Variants in CCND1 observed in about 807,000 individuals in gnomAD.
CCND1 encodes cyclin D1.
A neutral mutation model predicts 26.1 loss-of-function variants in CCND1; 9 were observed. The observed-to-expected ratio is 0.35, with a 90% confidence interval of 0.21 to 0.60. The LOEUF (loss-of-function observed/expected upper bound fraction) is 0.60. CCND1 is among the 20% of genes least tolerant of loss of function. The pLI is 0.79. For synonymous variants in CCND1, 194 were observed against 166.1 expected (o/e 1.17, Z -1.29); for missense variants, 335 against 392.9 (o/e 0.85, Z 1.25).
chr11:69,648,386 C>T (rs561257508), intron 4 of CCND1: 14 of 538,078 alleles, frequency 2.6e-5, no homozygotes, highest in East Asian at 1.2e-4. Flanking sequence ...TTCCAGGAGC[C>T]GTAGAGTTTC....
Position 69,643,066 on chromosome 11 carries a change from C to T in CCND1, c.234C>T (p.Phe78=). 6.2e-7 allele frequency: 1 copy of T among 1,607,806 alleles called. No homozygotes were observed. The highest frequency in any genetic ancestry group is 8.5e-7 in the Non-Finnish European group (1 of 1,177,590). The change falls in exon 2 of 5, where the codon TTC becomes TTT. Residue 78 remains phenylalanine, a synonymous_variant. Transcript: ENST00000227507. ...CEEQKCEEEV[F]PLAMNYLDRF... is the part of the protein sequence containing the mutation. The stretch of plus-strand genomic sequence containing the variant: ...AACAGAAGTGCGAGGAGGAGGTCTT[C>T]CCGCTGGCCATGAACTACCTGGACC...
intron 4 of CCND1, among the ~76,000 whole-genome samples, chr11:69,649,085 C>G (rs998524960): frequency 3.3e-5 from 5 of 152,208 alleles, no homozygotes; most frequent in Non-Finnish European, 7.4e-5. Context: ...CTCCCTTGCA[C>G]CCTGCCCCGT....
At chr11:69,645,415 G>T (rs1855765919) in intron 3 of CCND1, among the ~76,000 whole-genome samples, 1 of 152,204 alleles carries the variant, frequency 6.6e-6, no homozygotes, top group Non-Finnish European at 1.5e-5. Flanking sequence ...GTGGGCAGGT[G>T]CAGATTCTCG....
In CCND1 at chr11:69,651,309, C is replaced by T; in HGVS notation, c.*27C>T. ...GGCGCCAGGCAGGCGGGCGCCACCG[C>T]CACCCGCAGCGAGGGCGGAGCCGGC... On this transcript the variant is annotated 3_prime_UTR_variant, in exon 5 of 5. Transcript: ENST00000227507. 1 of 1,441,372 alleles carries T rather than the reference C, an allele frequency of 6.9e-7. No homozygotes were observed. Among genetic ancestry groups the T allele is most frequent in the Non-Finnish European group, 9.1e-7 (1 of 1,093,432 alleles). The allele number at this position is 1,441,372 out of a possible 1,614,324, so 89.3% of individuals were successfully genotyped here.
intron 3 of CCND1, among the ~76,000 whole-genome samples, chr11:69,644,434 C>T (rs926755330): frequency 1.3e-5 from 2 of 152,234 alleles, no homozygotes; most frequent in South Asian, 4.1e-4. Context: ...CTGCCAGAGG[C>T]GCCTCCAGGG....
At chr11:69,642,831 C>T (rs1158642622) in intron 1 of CCND1, among the ~76,000 whole-genome samples, 200 bp from the exon 2 acceptor site, 1 of 151,970 alleles carries the variant, frequency 6.6e-6, no homozygotes, top group East Asian at 1.9e-4. Flanking sequence ...CGGGGACTTT[C>T]CCTTTCAGTT....
intron 1 of CCND1, among the ~76,000 whole-genome samples, chr11:69,642,135 C>A (rs1047230913): frequency 1.3e-5 from 2 of 151,312 alleles, no homozygotes; most frequent in African/African-American, 4.9e-5. Context: ...GGGGGGACGC[C>A]GCTAGGGAAG....
intron 3 of CCND1, 78 bp downstream of exon 3, chr11:69,644,069 C>T (rs1590913692): frequency 7.1e-7 from 1 of 1,413,904 alleles, no homozygotes; most frequent in African/African-American, 1.4e-5. Flanking sequence ...TCTTGCTCTC[C>T]ACCTGGGTGC....
chr11:69,641,953 G>A (rs1280228493), intron 1 of CCND1, among the ~76,000 whole-genome samples: 2 of 150,754 alleles, frequency 1.3e-5, no homozygotes, highest in South Asian at 2.1e-4. Context: ...GGCCGCTCGT[G>A]CCAGTATTAT....
chr11:69,651,458 G>A lies in CCND1; in HGVS notation c.*176G>A. Reference sequence around the variant, plus strand: ...TTTCCCCCTTCCATCTCTGACTTAAGCAAAAGAAAAAGATTACCCAAAAAC... The same window carrying A: ...TTTCCCCCTTCCATCTCTGACTTAAACAAAAGAAAAAGATTACCCAAAAAC... On this transcript the variant is annotated 3_prime_UTR_variant, in exon 5 of 5. Transcript: ENST00000227507. 1 of 497,386 alleles carries A rather than the reference G, an allele frequency of 2.0e-6. No homozygotes were observed. The highest frequency in any genetic ancestry group is 3.3e-6 in the Non-Finnish European group (1 of 304,388). 30.8% of individuals were successfully genotyped at this position (497,386 alleles called of 1,614,324 possible). A position where few individuals can be genotyped will look rare whatever the true frequency, so the allele number is the denominator to read the frequency against.
chr11:69,641,386 G>T lies in CCND1; in HGVS notation c.73G>T (p.Asp25Tyr). ...RAYPDANLLN[D>Y]RVLRAMLKAE... ...GTACCCCGATGCCAACCTCCTCAAC[G>T]ACCGGGTGCTGCGGGCCATGCTGAA... The change falls in exon 1 of 5, where the codon GAC becomes TAC. Residue 25 changes from aspartate (D) to tyrosine (Y), a missense_variant. Physicochemically the swap from Asp to Tyr is radical, Grantham distance 160. Coordinates refer to ENST00000227507, the MANE Select transcript of CCND1 (RefSeq NM_053056.3). The T allele has an allele frequency of 1.2e-6, 2 of 1,613,418 alleles. No individual in the cohort carries two copies. The highest frequency in any genetic ancestry group is 2.2e-5 in the South Asian group (2 of 91,064).
chr11:69,653,388 A>G lies in CCND1; in HGVS notation c.*2106A>G. 2.9e-6 allele frequency: 2 copies of G among 683,292 alleles called. No individual in the cohort carries two copies. Among genetic ancestry groups the G allele is most frequent in the Non-Finnish European group, 5.3e-6 (2 of 379,510 alleles). 42.3% of individuals were successfully genotyped at this position (683,292 alleles called of 1,614,324 possible). A position where few individuals can be genotyped will look rare whatever the true frequency, so the allele number is the denominator to read the frequency against. ...CATGTACTAGTTTTAGTTTTCTCTT[A>G]GAACATTGTATTACAGATGCCTTTT... On this transcript the variant is annotated 3_prime_UTR_variant, in exon 5 of 5. Coordinates refer to ENST00000227507, the MANE Select transcript of CCND1 (RefSeq NM_053056.3).
At position 69,651,210 on chromosome 11, in the gene CCND1, GGAGGAGGAA is replaced by G. The variant is rs767889058; in HGVS notation, c.825_833del (p.Glu278_Glu280del). On this transcript the variant is annotated inframe_deletion, in exon 5 of 5. Transcript: ENST00000227507. ...AGAACATGGACCCCAAGGCCGCCGA[GGAGGAGGAA>G]GAGGAGGAGGAGGAGGTGGACCTGG... 2 of 1,605,172 alleles carry G rather than the reference GGAGGAGGAA, an allele frequency of 1.2e-6. No homozygotes were observed. The highest frequency in any genetic ancestry group is 8.5e-7 in the Non-Finnish European group (1 of 1,174,938).
Position 69,653,883 on chromosome 11 carries a change from G to A in CCND1, c.*2601G>A. The A allele has an allele frequency of 2.5e-6, 1 of 400,526 alleles. No homozygotes were observed. The highest frequency in any genetic ancestry group is 4.5e-6 in the Non-Finnish European group (1 of 224,466). The allele number at this position is 400,526 out of a possible 1,614,324, so 24.8% of individuals were successfully genotyped here. ...CTTCTGGAATTTGTTCAAGTTTTGGGTATGTTTAATCTGTTATGTACTAGT... is the reference window on the plus strand; with the variant it reads ...CTTCTGGAATTTGTTCAAGTTTTGGATATGTTTAATCTGTTATGTACTAGT... On this transcript the variant is annotated 3_prime_UTR_variant, in exon 5 of 5. Coordinates refer to ENST00000227507, the MANE Select transcript of CCND1 (RefSeq NM_053056.3).
Position 69,651,016 on chromosome 11 carries a change from C to G in CCND1, c.724-102C>G, listed in dbSNP as rs114544427. 1,009 of 1,172,358 alleles carry G rather than the reference C, an allele frequency of 8.6e-4. 14 individuals carry two copies. In the African/African-American group the frequency reaches 0.012, roughly 14 times the overall value. The allele number at this position is 1,172,358 out of a possible 1,614,324, so 72.6% of individuals were successfully genotyped here. A position where few individuals can be genotyped will look rare whatever the true frequency, so the allele number is the denominator to read the frequency against. On this transcript the variant is annotated intron_variant, in intron 4 of 4. Transcript: ENST00000227507. The stretch of plus-strand genomic sequence containing the variant: ...GGACAGTTTTTGGCTTAGTCTTGCT[C>G]TTATAAAGGCTTCCGGGTCATGGCA...
chr11:69,652,069 G>T lies in CCND1; in HGVS notation c.*787G>T, dbSNP rs1855863244. The T allele has an allele frequency of 8.6e-6, 2 of 233,264 alleles. No individual in the cohort carries two copies. Among genetic ancestry groups the T allele is most frequent in the Non-Finnish European group, 1.7e-5 (2 of 118,032 alleles). 14.4% of individuals were successfully genotyped at this position (233,264 alleles called of 1,614,324 possible). The stretch of plus-strand genomic sequence containing the variant: ...TGTCGGGCACCAGCCAGCGTAGCAG[G>T]GTCGGGAAAGGCCACCTGTCCCACT... On this transcript the variant is annotated 3_prime_UTR_variant, in exon 5 of 5. Transcript: ENST00000227507.
rs932070532 is a variant in CCND1 at position 69,653,602 on chromosome 11, C to T, written c.*2320C>T. On this transcript the variant is annotated 3_prime_UTR_variant, in exon 5 of 5. Coordinates refer to ENST00000227507, the MANE Select transcript of CCND1 (RefSeq NM_053056.3). ...CACACAGGCTGGCGGGGGCCGGCCCCGAGGCCGCGTGCGTGAGAACCGCGC... is the reference window on the plus strand; with the variant it reads ...CACACAGGCTGGCGGGGGCCGGCCCTGAGGCCGCGTGCGTGAGAACCGCGC... 5.2e-5 allele frequency: 25 copies of T among 482,610 alleles called. No homozygotes were observed. The highest frequency in any genetic ancestry group is 1.1e-4 in the East Asian group (3 of 28,034). 29.9% of individuals were successfully genotyped at this position (482,610 alleles called of 1,614,324 possible).
chr11:69,648,689 A>G (rs988309292), intron 4 of CCND1, among the ~76,000 whole-genome samples: 2 of 145,180 alleles, frequency 1.4e-5, no homozygotes, highest in Admixed American at 1.4e-4. Context: ...TCTTAAAGAA[A>G]GAATTAAAAT....
chr11:69,641,612 C>A (rs559060515), intron 1 of CCND1, 101 bp downstream of exon 1: 19 of 1,194,280 alleles, frequency 1.6e-5, no homozygotes, highest in Admixed American at 3.7e-5. Flanking sequence ...CCCGCTAGAA[C>A]TTTGAAGTTT....
Sources: allele counts gnomAD v4.1 joint callset (sites outside exome capture counted in the v4.1 genomes callset), GRCh38; gene constraint gnomAD v4.1.1; transcripts MANE v1.5; gene names NCBI Gene and HGNC (gene_info 2026-07-23, HGNC 2026-07-21).